PTPRD: variants seen among roughly 807,000 people sequenced by gnomAD.
PTPRD encodes protein tyrosine phosphatase receptor type D.
In PTPRD, 34 loss-of-function variants were observed where a neutral mutation model predicts 214.5. The ratio of observed to expected loss-of-function variants is 0.16; its 90% CI spans 0.12 to 0.21. The LOEUF (loss-of-function observed/expected upper bound fraction) is 0.21. Among genes scored for constraint, PTPRD ranks in the 10% least tolerant of loss-of-function variants. The pLI, the probability that PTPRD is intolerant of heterozygous loss-of-function variation, is 1.00. For synonymous variants in PTPRD, 1,128 were observed against 845.7 expected, an observed-to-expected ratio of 1.33 and a Z score of -5.79; for missense variants, 2,545 against 2,398.7, an observed-to-expected ratio of 1.06 and a Z score of -1.27.
At chr9:9,268,743 A>T (rs1208170734) in intron 9 of PTPRD, among the ~76,000 whole-genome samples, 2 of 151,000 alleles carry the variant, frequency 1.3e-5, no homozygotes, top group Non-Finnish European at 1.5e-5. Context: ...AGATGCCAAG[A>T]ATACACAATG....
intron 3 of PTPRD, among the ~76,000 whole-genome samples, chr9:10,273,904 T>G (rs1176798118): frequency 6.6e-6 from 1 of 152,178 alleles, no homozygotes; most frequent in Non-Finnish European, 1.5e-5. Context: ...ACACTGTGCT[T>G]CTTTTTGAAA....
rs533364893 is a variant in PTPRD, at chr9:8,755,952, T to C, written c.-103-22006A>G. On this transcript the variant is annotated intron_variant, in intron 11 of 45. Transcript: ENST00000381196. ...GTAATATTAGTAAAGCATGATAATA[T>C]GTGTTAAGACCCAAATAAATGGTCT... 5.3e-5 allele frequency among the ~76,000 whole-genome samples: 8 copies of C among 152,344 alleles called. No homozygotes were observed. The South Asian group carries it at 1.2e-3, about 24-fold the overall frequency.
intron 11 of PTPRD, among the ~76,000 whole-genome samples, chr9:8,774,452 T>C (rs929094781): frequency 1.3e-5 from 2 of 151,714 alleles, no homozygotes; most frequent in Non-Finnish European, 2.9e-5. Flanking sequence ...TTTAGAGACT[T>C]TGTAAAGGAT....
At chr9:9,041,049 T>G (rs571271659) in intron 10 of PTPRD, among the ~76,000 whole-genome samples, 199 of 152,274 alleles carry the variant, frequency 1.3e-3, no homozygotes, top group African/African-American at 4.6e-3. Context: ...TGTAGGTTGA[T>G]GGCACTGAAT....
intron 12 of PTPRD, among the ~76,000 whole-genome samples, chr9:8,687,744 T>G (rs1444457686): frequency 2.0e-5 from 3 of 152,098 alleles, no homozygotes; most frequent in Non-Finnish European, 2.9e-5. Flanking sequence ...AATAAGAGTT[T>G]TTTTTTTTTT....
intron 10 of PTPRD, among the ~76,000 whole-genome samples, chr9:9,160,100 G>T (rs1274354458): frequency 4.6e-5 from 7 of 152,072 alleles, no homozygotes; most frequent in African/African-American, 1.4e-4. Context: ...ATAAATCTTA[G>T]AGAGGAAAAG....
intron 2 of PTPRD, among the ~76,000 whole-genome samples, chr9:10,423,706 GC>G (rs1247216012): frequency 1.3e-5 from 2 of 151,832 alleles, no homozygotes; most frequent in Non-Finnish European, 2.9e-5. Context: ...ATTAAATTAT[GC>G]CCCCACATAA....
chr9:9,994,716 CAT>C (rs2096064552), intron 4 of PTPRD, among the ~76,000 whole-genome samples: 1 of 152,082 alleles, frequency 6.6e-6, no homozygotes, highest in Non-Finnish European at 1.5e-5. Flanking sequence ...AATCACAAAA[CAT>C]ATTTACAATT....
At chr9:9,381,715 T>G (rs546848474) in intron 9 of PTPRD, among the ~76,000 whole-genome samples, 2 of 83,046 alleles carry the variant, frequency 2.4e-5, no homozygotes, top group East Asian at 2.8e-4. Context: ...TTTGTTTTTG[T>G]TTTTTTTTGT....
At chr9:10,060,556 G>A (rs769613658) in intron 3 of PTPRD, among the ~76,000 whole-genome samples, 11 of 152,032 alleles carry the variant, frequency 7.2e-5, no homozygotes, top group Admixed American at 2.6e-4. Context: ...ACAGAAATGT[G>A]TCAAAGTATT....
intron 3 of PTPRD, among the ~76,000 whole-genome samples, chr9:10,293,712 G>A (rs2095595877): frequency 6.6e-6 from 1 of 151,842 alleles, no homozygotes; most frequent in South Asian, 2.1e-4. Context: ...AAAATTCACT[G>A]TTAAGTTATA....
chr9:10,077,401 A>G (rs1404406516), intron 3 of PTPRD, among the ~76,000 whole-genome samples: 1 of 152,138 alleles, frequency 6.6e-6, no homozygotes, highest in African/African-American at 2.4e-5. Flanking sequence ...GCTTTTAGAA[A>G]TGTACTTTTC....
intron 3 of PTPRD, among the ~76,000 whole-genome samples, chr9:10,071,378 C>T (rs960027196): frequency 2.0e-5 from 3 of 151,926 alleles, no homozygotes; most frequent in East Asian, 1.9e-4. Context: ...CAAGACTTAC[C>T]GTAGAGCTAC....
chr9:9,129,345 G>T (rs999216730), intron 10 of PTPRD, among the ~76,000 whole-genome samples: 3 of 152,152 alleles, frequency 2.0e-5, no homozygotes, highest in Non-Finnish European at 2.9e-5. Flanking sequence ...AGCCAAGATT[G>T]TGCCACTGCA....
intron 5 of PTPRD, among the ~76,000 whole-genome samples, chr9:9,936,055 T>C (rs372977159): frequency 5.4e-5 from 8 of 147,998 alleles, no homozygotes; most frequent in East Asian, 4.0e-4. Flanking sequence ...ATCCCTTCCT[T>C]ACACCTTATA....
At chr9:8,689,467 C>G (rs1025164132) in intron 12 of PTPRD, among the ~76,000 whole-genome samples, 6 of 149,988 alleles carry the variant, frequency 4.0e-5, no homozygotes, top group Non-Finnish European at 7.4e-5. Context: ...GGGAAGGCCT[C>G]AGAATCATGG....
At chr9:8,368,879 A>G (rs2080721996) in intron 39 of PTPRD, among the ~76,000 whole-genome samples, 1 of 152,082 alleles carries the variant, frequency 6.6e-6, no homozygotes. Context: ...TGGGTTCCAC[A>G]TGGCATAATT....
intron 39 of PTPRD, among the ~76,000 whole-genome samples, chr9:8,356,116 T>G (rs192284164): frequency 2.0e-5 from 3 of 152,200 alleles, no homozygotes; most frequent in African/African-American, 7.2e-5. Context: ...TTTTCATTTT[T>G]TTTAAGACCA....
At chr9:9,052,759 T>C (rs991250104) in intron 10 of PTPRD, among the ~76,000 whole-genome samples, 1 of 152,246 alleles carries the variant, frequency 6.6e-6, no homozygotes, top group African/African-American at 2.4e-5. Context: ...TCCCAATGGA[T>C]AACTTTACAG....
Sources: allele counts gnomAD v4.1 joint callset (sites outside exome capture counted in the v4.1 genomes callset), GRCh38; gene constraint gnomAD v4.1.1; transcripts MANE v1.5; gene names NCBI Gene and HGNC (gene_info 2026-07-23, HGNC 2026-07-21).